The following TMPRSS9 variants were observed in gnomAD, a reference collection of about 807,000 sequenced individuals.
TMPRSS9 encodes the protein transmembrane protease serine 9.
In TMPRSS9, 113 loss-of-function variants were observed where a neutral mutation model predicts 111.4. That is an observed-to-expected ratio of 1.01 (90% CI 0.87 to 1.19). The LOEUF (loss-of-function observed/expected upper bound fraction) is 1.19. Among genes scored for constraint, TMPRSS9 ranks in the 50% most tolerant of loss-of-function variants. The pLI, the probability that TMPRSS9 is intolerant of heterozygous loss-of-function variation, is 0.00. For synonymous variants in TMPRSS9, 805 were observed against 659.1 expected, an observed-to-expected ratio of 1.22 and a Z score of -3.39; for missense variants, 1,803 against 1,513.1, an observed-to-expected ratio of 1.19 and a Z score of -3.18.
intron 1 of TMPRSS9, chr19:2,396,116 C>T (rs911879104): frequency 2.5e-4 from 40 of 158,784 alleles, no homozygotes; most frequent in Non-Finnish European, 4.8e-4. Context: ...CCATAGGAGG[C>T]GGGGACTGTC....
intron 1 of TMPRSS9, among the ~76,000 whole-genome samples, chr19:2,369,470 G>T (rs1018612711): frequency 1.3e-5 from 2 of 152,008 alleles, no homozygotes; most frequent in Admixed American, 6.6e-5. Context: ...CCTCACCCAG[G>T]CTGCAGTGTA....
intron 1 of TMPRSS9, among the ~76,000 whole-genome samples, chr19:2,378,614 A>T (rs111419165): frequency 6.6e-6 from 1 of 152,178 alleles, no homozygotes; most frequent in African/African-American, 2.4e-5. Flanking sequence ...GCTACTTGGG[A>T]GGCTGAGGCA....
chr19:2,374,923 A>G (rs560047011), intron 1 of TMPRSS9, among the ~76,000 whole-genome samples: 253 of 152,276 alleles, frequency 1.7e-3, no homozygotes, highest in Non-Finnish European at 1.2e-3. Context: ...TTGTTCACAA[A>G]CTACATATCC....
chr19:2,424,345 T>TC, intron 15 of TMPRSS9, 88 bp downstream of exon 16: 1 of 1,241,542 alleles, frequency 8.1e-7, no homozygotes, highest in Admixed American at 4.2e-5. Context: ...CCTGACCCCC[T>TC]CCTTTGCCGG....
chr19:2,403,459 G>A (rs1352256218), intron 6 of TMPRSS9, among the ~76,000 whole-genome samples: 1 of 152,156 alleles, frequency 6.6e-6, no homozygotes, highest in Non-Finnish European at 1.5e-5. Flanking sequence ...AGAGGTTGTG[G>A]CCACAGCCTG....
upstream of TMPRSS9, among the ~76,000 whole-genome samples, chr19:2,388,944 A>C (rs923714270): frequency 1.3e-5 from 2 of 151,342 alleles, no homozygotes; most frequent in Non-Finnish European, 2.9e-5. Flanking sequence ...TGTCCCTCTA[A>C]GCCCCCAAGC....
At chr19:2,418,319 CTCCCTCCCTCCCTTTCCTTCCCTCCCTT>C (rs1425398841) in intron 13 of TMPRSS9, among the ~76,000 whole-genome samples, 181 bp downstream of exon 14, 1 of 39,620 alleles carries the variant, frequency 2.5e-5, no homozygotes, top group Admixed American at 2.1e-4. Flanking sequence ...CCCTCCCTCC[CTCCCTCCCTCCCTTTCCTTCCCTCCCTT>C]TCCCTCCCTC....
chr19:2,367,518 C>T (rs1362313398), intron 1 of TMPRSS9, among the ~76,000 whole-genome samples: 1 of 151,996 alleles, frequency 6.6e-6, no homozygotes, highest in East Asian at 1.9e-4. Context: ...CCTCAGCCTC[C>T]CAAGTAGCTG....
intron 13 of TMPRSS9, among the ~76,000 whole-genome samples, chr19:2,419,567 A>C (rs1158682252): frequency 4.1e-5 from 6 of 145,782 alleles, no homozygotes; most frequent in Non-Finnish European, 9.0e-5. Context: ...CCCAGGCTGG[A>C]GTGTAGTGGC....
At chr19:2,409,282 G>A (rs1327436131) in intron 8 of TMPRSS9, among the ~76,000 whole-genome samples, 1 of 151,132 alleles carries the variant, frequency 6.6e-6, no homozygotes, top group Non-Finnish European at 1.5e-5. Flanking sequence ...GGGACTATAG[G>A]CATGCACCAC....
chr19:2,365,568 T>C (rs1568464706), intron 1 of TMPRSS9, among the ~76,000 whole-genome samples: 1 of 150,788 alleles, frequency 6.6e-6, no homozygotes, highest in Non-Finnish European at 1.5e-5. Flanking sequence ...GATGGACGTG[T>C]CCGAAAACTG....
chr19:2,389,438 C>T (rs1338053754), upstream of TMPRSS9, among the ~76,000 whole-genome samples: 17 of 142,422 alleles, frequency 1.2e-4, no homozygotes, highest in Non-Finnish European at 2.0e-4. Flanking sequence ...AGCGTGATCT[C>T]GGTTCACTGC....
upstream of TMPRSS9, among the ~76,000 whole-genome samples, chr19:2,389,016 G>A (rs1468175608): frequency 1.3e-5 from 2 of 151,412 alleles, no homozygotes; most frequent in African/African-American, 2.4e-5. Flanking sequence ...GCAATGGACC[G>A]CAGCGACCCA....
At chr19:2,426,238 A>AAGGTCATGGGG in exon 18 of TMPRSS9, 12 of 870,078 alleles carry the variant, frequency 1.4e-5, no homozygotes, top group East Asian at 6.0e-5. Context: ...CCTTTGTTCC[A>AAGGTCATGGGG]ATAAACACAG....
exon 18 of TMPRSS9, chr19:2,426,196 C>T (rs1378957401): frequency 1.2e-6 from 1 of 859,760 alleles, no homozygotes; most frequent in Non-Finnish European, 1.5e-6. Context: ...TGTGGGGGGG[C>T]TGTGGGTCAT....
chr19:2,375,795 A>G (rs1970328977), intron 1 of TMPRSS9, among the ~76,000 whole-genome samples: 1 of 152,170 alleles, frequency 6.6e-6, no homozygotes, highest in Admixed American at 6.6e-5. Context: ...CAGACAAAAA[A>G]CACATACCCT....
intron 1 of TMPRSS9, among the ~76,000 whole-genome samples, chr19:2,373,510 G>A (rs1049406540): frequency 7.3e-4 from 107 of 146,044 alleles, no homozygotes; most frequent in African/African-American, 2.7e-3. Context: ...GATTACAGGC[G>A]TGTACCACCA....
At chr19:2,393,898 C>CAAAAA (rs34160378) in intron 1 of TMPRSS9, among the ~76,000 whole-genome samples, 1 of 63,596 alleles carries the variant, frequency 1.6e-5, no homozygotes, top group Non-Finnish European at 3.0e-5. Context: ...ACCATGTCTC[C>CAAAAA]AAAAAAAAAA....
At chr19:2,372,626 C>T (rs1247082207) in intron 1 of TMPRSS9, among the ~76,000 whole-genome samples, 2 of 152,166 alleles carry the variant, frequency 1.3e-5, no homozygotes, top group Non-Finnish European at 2.9e-5. Flanking sequence ...AAAACGCTCG[C>T]TTGTCTGAGA....
Sources: gnomAD v4.1 joint callset for allele counts (sites outside exome capture counted in the v4.1 genomes callset) on GRCh38, gnomAD v4.1.1 for gene constraint, MANE v1.5 for transcripts, NCBI Gene and HGNC (gene_info 2026-07-23, HGNC 2026-07-21) for gene names.